IRAG2: variants seen among roughly 807,000 people sequenced by gnomAD.
The protein encoded by IRAG2 is lymphoid restricted membrane protein.
Under a neutral mutation model 69.9 loss-of-function variants are expected in IRAG2, and 45 were observed. The observed-to-expected ratio is 0.64, with a 90% CI of 0.51 to 0.83. IRAG2 has a LOEUF of 0.83. IRAG2 is among the 40% of genes least tolerant of loss of function. IRAG2 has a pLI of 0.00. For synonymous variants in IRAG2, 193 were observed against 202.4 expected (o/e 0.95, Z 0.40); for missense variants, 520 against 587.0 (o/e 0.89, Z 1.18).
chr12:25,042,446 A>G (rs1944758228), intron 16 of IRAG2, among the ~76,000 whole-genome samples: 2 of 152,166 alleles, frequency 1.3e-5, no homozygotes, highest in African/African-American at 4.8e-5. Flanking sequence ...CATCTGTTGA[A>G]TATCTTTAAC....
chr12:25,087,721 C>T (rs886947559), intron 10 of IRAG2, among the ~76,000 whole-genome samples: 4 of 152,082 alleles, frequency 2.6e-5, no homozygotes, highest in Non-Finnish European at 5.9e-5. Context: ...GGAATTGCGC[C>T]GCACAGCAGG....
At chr12:25,018,933 T>A (rs1373608442) in intron 6 of IRAG2, among the ~76,000 whole-genome samples, 3 of 152,214 alleles carry the variant, frequency 2.0e-5, no homozygotes, top group Non-Finnish European at 4.4e-5. Context: ...GTTTTGATAT[T>A]GTCCAATTGT....
intron 13 of IRAG2, among the ~76,000 whole-genome samples, chr12:25,034,822 C>T (rs1944692048): frequency 6.6e-6 from 1 of 152,230 alleles, no homozygotes; most frequent in South Asian, 2.1e-4. Context: ...ACAACATATG[C>T]TGCCTTCATC....
At position 25,101,553 on chromosome 12, in the gene IRAG2, G is replaced by T. The variant is rs1468579687; in HGVS notation, c.889+228G>T. Among the ~76,000 whole-genome samples, 2 of 152,178 alleles carry T rather than the reference G, an allele frequency of 1.3e-5. 1 individual carries two copies. The highest frequency in any genetic ancestry group is 4.8e-5 in the African/African-American group (2 of 41,436). ...ACCAAAAATTTATTAACTCAATTTA[G>T]ATTACTGAGATGACAGAATATATTT... On this transcript the variant is annotated intron_variant, in intron 16 of 21. Transcript: ENST00000556887.
intron 6 of IRAG2, among the ~76,000 whole-genome samples, chr12:25,075,494 G>T (rs1327804896): frequency 6.6e-6 from 1 of 150,872 alleles, no homozygotes; most frequent in Non-Finnish European, 1.5e-5. Context: ...TCTAAATATT[G>T]AAATAATATT....
chr12:25,011,107 T>C (rs1043643490), intron 2 of IRAG2, among the ~76,000 whole-genome samples: 1 of 152,170 alleles, frequency 6.6e-6, no homozygotes, highest in African/African-American at 2.4e-5. Context: ...CGTCCCCATC[T>C]CAGATAAAGA....
chr12:25,057,731 AT>A (rs1444999683), intron 1 of IRAG2, among the ~76,000 whole-genome samples: 2 of 152,136 alleles, frequency 1.3e-5, no homozygotes, highest in African/African-American at 2.4e-5. Context: ...AAAACACGGA[AT>A]TTCTATCACC....
At chr12:25,073,961 GTATT>G (rs1355548178) in intron 6 of IRAG2, among the ~76,000 whole-genome samples, 1 of 152,164 alleles carries the variant, frequency 6.6e-6, no homozygotes, top group Non-Finnish European at 1.5e-5. Flanking sequence ...GTCTACTTTT[GTATT>G]TATCTGAAAT....
chr12:25,076,218 T>C (rs551038368), intron 6 of IRAG2, among the ~76,000 whole-genome samples: 71 of 152,312 alleles, frequency 4.7e-4, no homozygotes, highest in African/African-American at 1.5e-3. Flanking sequence ...CAAAGATGAG[T>C]GCTTTGAGAA....
intron 1 of IRAG2, among the ~76,000 whole-genome samples, chr12:25,054,774 A>G (rs992161057): frequency 2.6e-5 from 4 of 152,210 alleles, no homozygotes; most frequent in Non-Finnish European, 5.9e-5. Flanking sequence ...TGCTTATATG[A>G]CCATGTACTT....
upstream of IRAG2, among the ~76,000 whole-genome samples, chr12:25,050,008 A>AAAG (rs1296096423): frequency 7.1e-6 from 1 of 141,448 alleles, no homozygotes; most frequent in African/African-American, 2.6e-5. Flanking sequence ...AAAAAAAAAA[A>AAAG]GCTACTCGGG....
chr12:25,071,158 C>A (rs775291998), intron 6 of IRAG2, among the ~76,000 whole-genome samples: 1 of 152,016 alleles, frequency 6.6e-6, no homozygotes, highest in Admixed American at 6.5e-5. Flanking sequence ...AGCTCAAGAA[C>A]AACCTGGCCA....
chr12:25,083,509 T>G lies in IRAG2; in HGVS notation c.315+16T>G, dbSNP rs765580600. 10 of 1,512,338 alleles carry G rather than the reference T, an allele frequency of 6.6e-6. No homozygotes were observed. The highest frequency in any genetic ancestry group is 8.3e-6 in the Non-Finnish European group (9 of 1,088,284). The allele number at this position is 1,512,338 out of a possible 1,614,324, so 93.7% of individuals were successfully genotyped here. On this transcript the variant is annotated intron_variant, in intron 10 of 21. Coordinates refer to ENST00000556887, the MANE Select transcript of IRAG2 (RefSeq NM_001366544.2). ...ATTAAATCTGGTAAGGAAATACGTA[T>G]GTTCACAACAAAGGTGGTGGTATCT... is the stretch of plus-strand genomic sequence containing the variant.
chr12:25,032,958 CTT>C (rs11349391), intron 12 of IRAG2, among the ~76,000 whole-genome samples: 397 of 136,506 alleles, frequency 2.9e-3, no homozygotes, highest in African/African-American at 4.6e-3. Flanking sequence ...CTCTTTCTTT[CTT>C]TTTTTTTTTT....
intron 14 of IRAG2, among the ~76,000 whole-genome samples, chr12:25,096,519 A>G (rs1188113353): frequency 6.6e-6 from 1 of 152,184 alleles, no homozygotes; most frequent in Admixed American, 6.5e-5. Flanking sequence ...TTTAATTCCA[A>G]TATGTTTGGT....
chr12:25,023,657 T>C (rs942281658), intron 7 of IRAG2, among the ~76,000 whole-genome samples: 1 of 152,178 alleles, frequency 6.6e-6, no homozygotes, highest in African/African-American at 2.4e-5. Flanking sequence ...CATAGTTACA[T>C]TGAGTCCAGG....
In IRAG2 at chr12:25,079,690, T is replaced by G; in HGVS notation, c.171T>G (p.Cys57Trp). ...PGLEILNMASCDLDRNSLCKK... is the reference protein window; with the variant it reads ...PGLEILNMASWDLDRNSLCKK... The stretch of plus-strand genomic sequence containing the variant: ...TAGAAATTCTGAATATGGCTTCTTG[T>G]GACCTTGACAGAAACTCGCTCTGTA... The change falls in exon 9 of 22, where the codon TGT (cysteine) becomes TGG (tryptophan). Residue 57 changes from cysteine (C) to tryptophan (W), a missense_variant. Transcript: ENST00000556887. The G allele has an allele frequency of 6.2e-7, 1 of 1,614,018 alleles. No homozygotes were observed. The highest frequency in any genetic ancestry group is 8.5e-7 in the Non-Finnish European group (1 of 1,179,882).
At chr12:25,030,376 A>T in intron 10 of IRAG2, 1 of 1,188,790 alleles carries the variant, frequency 8.4e-7, no homozygotes, top group Non-Finnish European at 1.1e-6. Context: ...GGAATTGGCT[A>T]GCTCTCTCCA....
intron 9 of IRAG2, among the ~76,000 whole-genome samples, chr12:25,029,046 C>G (rs1018011269): frequency 1.3e-5 from 2 of 152,182 alleles, no homozygotes; most frequent in African/African-American, 4.8e-5. Flanking sequence ...GTACCCATCT[C>G]AAACTCCAAG....
Sources: gnomAD v4.1 joint callset for allele counts (sites outside exome capture counted in the v4.1 genomes callset) on GRCh38, gnomAD v4.1.1 for gene constraint, MANE v1.5 for transcripts, NCBI Gene and HGNC (gene_info 2026-07-23, HGNC 2026-07-21) for gene names.